The following CPQ variants were observed in gnomAD, a reference collection of about 807,000 sequenced individuals.
The protein encoded by CPQ is carboxypeptidase Q.
A neutral mutation model predicts 45.7 loss-of-function variants in CPQ; 37 were observed. That is an observed-to-expected ratio of 0.81 (90% CI 0.62 to 1.07). CPQ has a LOEUF of 1.07. Ranked by LOEUF, CPQ falls within the 50% of genes least tolerant of loss-of-function variation. The probability of loss-of-function intolerance (pLI) is 0.00; values close to 1 mark genes in which losing one functional copy is unlikely to be tolerated. For synonymous variants in CPQ, 186 were observed against 205.8 expected, an observed-to-expected ratio of 0.90 and a Z score of 0.82; for missense variants, 537 against 572.9, an observed-to-expected ratio of 0.94 and a Z score of 0.64.
chr8:97,056,988 G>T (rs1810464833), intron 6 of CPQ, among the ~76,000 whole-genome samples: 1 of 152,036 alleles, frequency 6.6e-6, no homozygotes, highest in Admixed American at 6.6e-5. Flanking sequence ...GCCTCTGCTG[G>T]TAAACTCTCC....
intron 1 of CPQ, among the ~76,000 whole-genome samples, chr8:96,782,918 A>G (rs1400851669): frequency 6.6e-6 from 1 of 152,126 alleles, no homozygotes; most frequent in African/African-American, 2.4e-5. Context: ...AGCCTTTACT[A>G]CAGTTTCCAA....
intron 1 of CPQ, among the ~76,000 whole-genome samples, chr8:96,656,550 C>A (rs965708200): frequency 6.6e-6 from 1 of 152,140 alleles, no homozygotes; most frequent in African/African-American, 2.4e-5. Context: ...TTGCCTGTCT[C>A]TGGGCAGGGC....
At position 97,122,961 on chromosome 8, in the gene CPQ, T is replaced by TA. The variant is rs1189356474; in HGVS notation, c.1256-20055dup. Among the ~76,000 whole-genome samples the TA allele has an allele frequency of 1.0e-3, 61 of 59,436 alleles. 2 individuals carry two copies. The highest frequency in any genetic ancestry group is 4.4e-3 in the East Asian group (6 of 1,376). The allele number at this position is 59,436 out of a possible 152,430, so 39.0% of individuals were successfully genotyped here. On this transcript the variant is annotated intron_variant, in intron 7 of 7. Transcript: ENST00000220763. ...TAAAATAAAATAAAATAAAATAAAA[T>TA]AAAATAAAATAAAATAAAATTAAAA...
intron 5 of CPQ, among the ~76,000 whole-genome samples, chr8:96,979,213 G>GT (rs1813843581): frequency 6.6e-6 from 1 of 152,126 alleles, no homozygotes; most frequent in Non-Finnish European, 1.5e-5. Flanking sequence ...GCTAAAGGTT[G>GT]GAGTTGGTGC....
intron 5 of CPQ, among the ~76,000 whole-genome samples, chr8:97,007,088 C>A (rs909404821): frequency 6.6e-6 from 1 of 152,222 alleles, no homozygotes. Context: ...CCCAGTCTTG[C>A]CTTCTCCAAA....
intron 1 of CPQ, among the ~76,000 whole-genome samples, chr8:96,687,171 T>A (rs1809241962): frequency 6.6e-6 from 1 of 151,340 alleles, no homozygotes; most frequent in Admixed American, 6.6e-5. Flanking sequence ...TTTCTTTTCT[T>A]TTCTTTCTCT....
At chr8:96,807,577 G>T (rs555787150) in intron 2 of CPQ, among the ~76,000 whole-genome samples, 254 of 152,278 alleles carry the variant, frequency 1.7e-3, no homozygotes, top group Non-Finnish European at 2.7e-3. Context: ...ATGACAGCCG[G>T]TGATATAGAA....
At chr8:96,745,021 T>C (rs1810155781) in intron 1 of CPQ, among the ~76,000 whole-genome samples, 1 of 152,124 alleles carries the variant, frequency 6.6e-6, no homozygotes, top group Non-Finnish European at 1.5e-5. Flanking sequence ...TGTAAAAGGA[T>C]ACAGGAGGCT....
intron 3 of CPQ, among the ~76,000 whole-genome samples, chr8:96,856,838 T>G (rs1346003641): frequency 1.3e-5 from 2 of 152,238 alleles, no homozygotes; most frequent in Non-Finnish European, 2.9e-5. Flanking sequence ...TTATTCTACA[T>G]GTATTCACTA....
rs147486189 is a variant in CPQ at position 97,089,559 on chromosome 8, A to T, written c.1255+23349A>T. Among the ~76,000 whole-genome samples, 628 of 152,288 alleles carry T rather than the reference A, an allele frequency of 4.1e-3. 3 individuals are homozygous for T. Among genetic ancestry groups the T allele is most frequent in the South Asian group, 0.022 (107 of 4,826 alleles). ...AAAGCAGCAGCTTTGTTATAAGAGG[A>T]TCTTTTAAAAAAAATTACTCTTGAG... is the stretch of plus-strand genomic sequence containing the variant. On this transcript the variant is annotated intron_variant, in intron 7 of 7. Transcript: ENST00000220763.
chr8:96,701,944 C>G (rs575029689), intron 1 of CPQ, among the ~76,000 whole-genome samples: 2 of 152,278 alleles, frequency 1.3e-5, no homozygotes, highest in South Asian at 2.1e-4. Context: ...TTGGAGATGC[C>G]TGTGGGAGGT....
chr8:96,704,072 C>T (rs183718219), intron 1 of CPQ, among the ~76,000 whole-genome samples: 1 of 152,284 alleles, frequency 6.6e-6, no homozygotes, highest in East Asian at 1.9e-4. Context: ...TATTATGTCC[C>T]AGGCACTGGG....
intron 4 of CPQ, among the ~76,000 whole-genome samples, chr8:96,961,507 CTA>C (rs1367974392): frequency 5.9e-5 from 9 of 152,232 alleles, no homozygotes; most frequent in Non-Finnish European, 7.4e-5. Flanking sequence ...TCCTCTCATT[CTA>C]TGATTTCTCT....
intron 7 of CPQ, among the ~76,000 whole-genome samples, chr8:97,124,391 G>T (rs1467672735): frequency 5.3e-5 from 8 of 152,106 alleles, no homozygotes; most frequent in Non-Finnish European, 1.2e-4. Flanking sequence ...GGAAAGTCTG[G>T]ATATGGAAGA....
chr8:96,702,339 C>G (rs563053634), intron 1 of CPQ, among the ~76,000 whole-genome samples: 1 of 151,736 alleles, frequency 6.6e-6, no homozygotes, highest in Admixed American at 6.6e-5. Context: ...CCCGAAGGCC[C>G]GAGGCATAGA....
At chr8:96,801,116 C>T (rs1811002671) in intron 2 of CPQ, among the ~76,000 whole-genome samples, 2 of 151,862 alleles carry the variant, frequency 1.3e-5, no homozygotes, top group Non-Finnish European at 1.5e-5. Flanking sequence ...GCTGGGATTA[C>T]AGGCGTACAC....
rs1251449700 is a variant in CPQ, at chr8:96,785,281, T to C, written c.384T>C (p.His128=). ...CTGTGATGCTGGAGCCAAGAATTCA[T>C]AAGATAGCCATCCTGGGTCTTGGCA... ...ESAVMLEPRI[H]KIAILGLGSS... The change falls in exon 2 of 8, where the codon CAT becomes CAC. Residue 128 remains histidine, a synonymous_variant. Coordinates refer to ENST00000220763, the MANE Select transcript of CPQ (RefSeq NM_016134.4). 1 of 1,613,004 alleles carries C rather than the reference T, an allele frequency of 6.2e-7. No homozygotes were observed. Among genetic ancestry groups the C allele is most frequent in the Non-Finnish European group, 8.5e-7 (1 of 1,179,278 alleles).
chr8:96,799,170 G>T (rs996842500), intron 2 of CPQ, among the ~76,000 whole-genome samples: 11 of 152,292 alleles, frequency 7.2e-5, no homozygotes, highest in African/African-American at 2.4e-4. Context: ...TGGTGATTAG[G>T]TTGTTCACCA....
intron 5 of CPQ, among the ~76,000 whole-genome samples, chr8:96,986,701 C>T (rs1366897441): frequency 1.3e-5 from 2 of 152,154 alleles, no homozygotes; most frequent in African/African-American, 2.4e-5. Context: ...ATGCAGCCCT[C>T]TTGCTGCTTT....
Sources: allele counts gnomAD v4.1 joint callset (sites outside exome capture counted in the v4.1 genomes callset), GRCh38; gene constraint gnomAD v4.1.1; transcripts MANE v1.5; gene names NCBI Gene and HGNC (gene_info 2026-07-23, HGNC 2026-07-21).